TSHZ2: variants seen among roughly 807,000 people sequenced by gnomAD.
TSHZ2 encodes teashirt zinc finger homeobox 2.
Under a neutral mutation model 74.4 loss-of-function variants are expected in TSHZ2, and 21 were observed. The observed-to-expected ratio is 0.28, with a 90% CI of 0.20 to 0.41. The LOEUF (loss-of-function observed/expected upper bound fraction) is 0.41, where lower values mean the gene tolerates loss of function less well. Ranked by LOEUF, TSHZ2 falls within the 10% of genes least tolerant of loss-of-function variation. The pLI is 1.00. For missense variants in TSHZ2, 1,244 were observed against 1,293.5 expected (o/e 0.96, Z 0.59); for synonymous variants, 540 against 515.3 (o/e 1.05, Z -0.65).
At chr20:53,010,918 A>G (rs887011305) in intron 1 of TSHZ2, among the ~76,000 whole-genome samples, 2 of 152,198 alleles carry the variant, frequency 1.3e-5, no homozygotes, top group African/African-American at 4.8e-5. Flanking sequence ...GTAGAGTTGG[A>G]CATTTTCTTT....
intron 1 of TSHZ2, among the ~76,000 whole-genome samples, chr20:53,113,769 T>C (rs1274730056): frequency 6.6e-6 from 1 of 152,190 alleles, no homozygotes; most frequent in Non-Finnish European, 1.5e-5. Flanking sequence ...TTTAATACCT[T>C]AGGCATCTCC....
At chr20:52,982,969 T>C (rs1358255954) in intron 1 of TSHZ2, among the ~76,000 whole-genome samples, 1 of 152,168 alleles carries the variant, frequency 6.6e-6, no homozygotes, top group Non-Finnish European at 1.5e-5. Flanking sequence ...ATTTCAAAAG[T>C]GATGATGGAC....
At chr20:53,482,108 TAAAAAA>T (rs570413572) in intron 2 of TSHZ2, among the ~76,000 whole-genome samples, 1,259 of 74,352 alleles carry the variant, frequency 0.017, 26 homozygotes, top group African/African-American at 0.053. Context: ...CTCCATCTCA[TAAAAAA>T]AAAAAAAAAA....
chr20:53,383,935 G>C (rs1230627578), intron 2 of TSHZ2, among the ~76,000 whole-genome samples: 1 of 152,144 alleles, frequency 6.6e-6, no homozygotes, highest in Non-Finnish European at 1.5e-5. Flanking sequence ...CAAAAAGCTA[G>C]GCTTCCCAAA....
chr20:53,460,303 T>C (rs1985303391), intron 2 of TSHZ2, among the ~76,000 whole-genome samples: 1 of 151,928 alleles, frequency 6.6e-6, no homozygotes, highest in African/African-American at 2.4e-5. Flanking sequence ...TCATTTCATC[T>C]TCCATCGCTG....
At chr20:53,429,961 G>C (rs1983782884) in intron 2 of TSHZ2, among the ~76,000 whole-genome samples, 1 of 152,096 alleles carries the variant, frequency 6.6e-6, no homozygotes, top group South Asian at 2.1e-4. Flanking sequence ...CTGGATGCCA[G>C]GACTCTCACC....
intron 2 of TSHZ2, among the ~76,000 whole-genome samples, chr20:53,431,826 T>C (rs1983859016): frequency 6.6e-6 from 1 of 152,224 alleles, no homozygotes; most frequent in Admixed American, 6.5e-5. Context: ...ATGTTGCATG[T>C]GGCCCAGAAA....
intron 2 of TSHZ2, among the ~76,000 whole-genome samples, chr20:53,296,327 T>C (rs1326104300): frequency 6.6e-6 from 1 of 152,236 alleles, no homozygotes; most frequent in Non-Finnish European, 1.5e-5. Flanking sequence ...AGTGTGATCA[T>C]GCAGTTTAGT....
At chr20:53,420,294 C>A (rs1410314353) in intron 2 of TSHZ2, among the ~76,000 whole-genome samples, 2 of 152,008 alleles carry the variant, frequency 1.3e-5, no homozygotes, top group African/African-American at 4.8e-5. Context: ...GTGTGTCAGC[C>A]GGGCATGCAG....
intron 1 of TSHZ2, among the ~76,000 whole-genome samples, chr20:53,108,189 A>G (rs1040737353): frequency 6.6e-6 from 1 of 152,208 alleles, no homozygotes; most frequent in Non-Finnish European, 1.5e-5. Context: ...TGAGAACCAC[A>G]ACTTTAGGAT....
At chr20:53,089,175 C>G (rs1053960737) in intron 1 of TSHZ2, among the ~76,000 whole-genome samples, 1 of 151,358 alleles carries the variant, frequency 6.6e-6, no homozygotes. Flanking sequence ...GAGATCATGT[C>G]CAATAGGCCA....
intron 2 of TSHZ2, among the ~76,000 whole-genome samples, chr20:53,391,151 T>TTTTGTTTTGG (rs1262456604): frequency 0.025 from 3,791 of 150,912 alleles, 97 homozygotes; most frequent in African/African-American, 0.067. Flanking sequence ...TTTTGTTTTG[T>TTTTGTTTTGG]TTTGGTTTGG....
intron 1 of TSHZ2, among the ~76,000 whole-genome samples, chr20:52,991,002 G>A (rs747497694): frequency 1.3e-4 from 20 of 152,282 alleles, no homozygotes; most frequent in East Asian, 1.9e-4. Context: ...TATTGTGTGC[G>A]TGAGTTGTGA....
intron 1 of TSHZ2, among the ~76,000 whole-genome samples, chr20:53,199,413 G>T (rs561405846): frequency 6.6e-6 from 1 of 152,264 alleles, no homozygotes; most frequent in African/African-American, 2.4e-5. Context: ...GGTGGAAGTT[G>T]CAGTGAGCCA....
intron 2 of TSHZ2, among the ~76,000 whole-genome samples, chr20:53,443,043 G>A (rs1984400498): frequency 6.6e-6 from 1 of 152,144 alleles, no homozygotes; most frequent in African/African-American, 2.4e-5. Flanking sequence ...GCCATCCCAA[G>A]ACACAACCAT....
chr20:53,202,605 A>T (rs1045289161), intron 1 of TSHZ2, among the ~76,000 whole-genome samples: 1 of 152,172 alleles, frequency 6.6e-6, no homozygotes, highest in Non-Finnish European at 1.5e-5. Flanking sequence ...CATTCTACAG[A>T]TGAAGAACAT....
intron 1 of TSHZ2, among the ~76,000 whole-genome samples, chr20:52,989,982 T>C (rs1027754112): frequency 6.6e-6 from 1 of 151,840 alleles, no homozygotes; most frequent in African/African-American, 2.4e-5. Flanking sequence ...AACTAATTTC[T>C]CTTTATGTGC....
chr20:53,409,023 G>A (rs936797771), intron 2 of TSHZ2, among the ~76,000 whole-genome samples: 1 of 152,128 alleles, frequency 6.6e-6, no homozygotes, highest in Non-Finnish European at 1.5e-5. Context: ...GATAATTTAG[G>A]ACGTGCACTG....
At chr20:53,046,448 C>T (rs1301405186) in intron 1 of TSHZ2, among the ~76,000 whole-genome samples, 5 of 152,074 alleles carry the variant, frequency 3.3e-5, no homozygotes, top group Non-Finnish European at 5.9e-5. Flanking sequence ...CAGGCTGCCT[C>T]GCCTTGAGCA....
Sources: gnomAD v4.1 joint callset for allele counts (sites outside exome capture counted in the v4.1 genomes callset) on GRCh38, gnomAD v4.1.1 for gene constraint, MANE v1.5 for transcripts, NCBI Gene and HGNC (gene_info 2026-07-23, HGNC 2026-07-21) for gene names.